REG4: variants seen among roughly 807,000 people sequenced by gnomAD.
REG4 encodes regenerating family member 4.
A neutral mutation model predicts 22.3 loss-of-function variants in REG4; 16 were observed. That is an observed-to-expected ratio of 0.72 (90% CI 0.49 to 1.09). The LOEUF is 1.09. Ranked by LOEUF, REG4 falls within the 50% of genes least tolerant of loss-of-function variation. The pLI, the probability that REG4 is intolerant of heterozygous loss-of-function variation, is 0.00. For synonymous variants in REG4, 71 were observed against 69.2 expected, an observed-to-expected ratio of 1.03 and a Z score of -0.13; for missense variants, 214 against 193.9, an observed-to-expected ratio of 1.10 and a Z score of -0.61.
At chr1:119,810,031 T>C (rs1183562679) in intron 1 of REG4, among the ~76,000 whole-genome samples, 2 of 152,200 alleles carry the variant, frequency 1.3e-5, no homozygotes, top group African/African-American at 2.4e-5. Context: ...TGTATGTTTA[T>C]TTGTGAGATC....
intron 5 of REG4, among the ~76,000 whole-genome samples, chr1:119,797,099 C>T (rs1393862161): frequency 4.3e-4 from 66 of 152,204 alleles, no homozygotes; most frequent in Admixed American, 4.3e-3. Flanking sequence ...ACTGCAATAA[C>T]AACTACAATG....
intron 1 of REG4, among the ~76,000 whole-genome samples, chr1:119,809,598 T>C (rs1007019903): frequency 1.3e-5 from 2 of 152,228 alleles, no homozygotes; most frequent in Non-Finnish European, 2.9e-5. Context: ...GATCATATAG[T>C]CCTATAGCCT....
chr1:119,808,191 G>C (rs1172889435), intron 2 of REG4, among the ~76,000 whole-genome samples: 1 of 152,126 alleles, frequency 6.6e-6, no homozygotes, highest in Non-Finnish European at 1.5e-5. Flanking sequence ...TTCCTCCCCT[G>C]CTTTCTCTAT....
intron 5 of REG4, among the ~76,000 whole-genome samples, chr1:119,795,762 C>A (rs978270706): frequency 2.0e-5 from 3 of 152,208 alleles, no homozygotes; most frequent in Admixed American, 6.5e-5. Flanking sequence ...CCATAGTGCT[C>A]AGCGCAGGAG....
intron 5 of REG4, among the ~76,000 whole-genome samples, chr1:119,797,955 G>T (rs1653980424): frequency 6.6e-6 from 1 of 152,006 alleles, no homozygotes; most frequent in Admixed American, 6.6e-5. Context: ...ATGAAAGCAG[G>T]CCAGAGAAAG....
At chr1:119,795,794 G>A (rs933325736) in intron 5 of REG4, among the ~76,000 whole-genome samples, 1 of 152,242 alleles carries the variant, frequency 6.6e-6, no homozygotes, top group Non-Finnish European at 1.5e-5. Context: ...AAATGAAACA[G>A]GGCCTGCAAG....
At chr1:119,802,969 C>A (rs1208037518) in intron 3 of REG4, 99 bp downstream of exon 3, 2 of 1,578,564 alleles carry the variant, frequency 1.3e-6, no homozygotes, top group South Asian at 2.3e-5. Context: ...CTTCATAGTG[C>A]CCAGGAAGGA....
intron 4 of REG4, among the ~76,000 whole-genome samples, chr1:119,799,512 A>G (rs1390547787): frequency 6.6e-6 from 1 of 152,038 alleles, no homozygotes; most frequent in Non-Finnish European, 1.5e-5. Context: ...TAATTAGACA[A>G]AGGTCTATAC....
intron 5 of REG4, among the ~76,000 whole-genome samples, chr1:119,797,084 C>A (rs1050099120): frequency 6.6e-6 from 1 of 152,178 alleles, no homozygotes; most frequent in East Asian, 1.9e-4. Context: ...ACACTTAATG[C>A]GTCAACTGCA....
chr1:119,808,859 C>A lies in REG4; in HGVS notation c.-90G>T. On this transcript the variant is annotated 5_prime_UTR_variant, in exon 2 of 6. Transcript: ENST00000256585. ...AAACTCCTGGGTTCTCCTTGATCTG[C>A]AAATCTGAACACATTTGCACAGGTG... The A allele has an allele frequency of 3.5e-6, 3 of 855,338 alleles. No individual in the cohort carries two copies. Among genetic ancestry groups the A allele is most frequent in the South Asian group, 1.5e-5 (1 of 65,314 alleles). 53.0% of individuals were successfully genotyped at this position (855,338 alleles called of 1,614,324 possible). A position where few individuals can be genotyped will look rare whatever the true frequency, so the allele number is the denominator to read the frequency against.
At chr1:119,794,807 C>T (rs1355315465) in intron 5 of REG4, 122 bp from the exon 6 acceptor site, 17 of 822,710 alleles carry the variant, frequency 2.1e-5, no homozygotes, top group Admixed American at 3.6e-5. Context: ...TATGTGTCAA[C>T]TTAGCTAGAC....
Position 119,808,830 on chromosome 1 carries a change from T to TGGG in REG4, c.-62_-61insCCC. The TGGG allele has an allele frequency of 2.4e-6, 3 of 1,253,930 alleles. No individual in the cohort carries two copies. The highest frequency in any genetic ancestry group is 3.5e-6 in the Non-Finnish European group (3 of 862,250). 77.7% of individuals were successfully genotyped at this position (1,253,930 alleles called of 1,614,324 possible). ...ATCTCAGAGACCTTACTAGCGCTTC[T>TGGG]TTGAAACTCCTGGGTTCTCCTTGAT... On this transcript the variant is annotated 5_prime_UTR_variant, in exon 2 of 6. Transcript: ENST00000256585.
intron 5 of REG4, among the ~76,000 whole-genome samples, chr1:119,798,159 G>T (rs773751495): frequency 9.2e-5 from 14 of 152,162 alleles, no homozygotes; most frequent in Non-Finnish European, 1.5e-4. Flanking sequence ...ACTCCCTGTG[G>T]TCTGGGCTTC....
At chr1:119,807,068 G>A (rs1361633930) in intron 2 of REG4, among the ~76,000 whole-genome samples, 1 of 152,188 alleles carries the variant, frequency 6.6e-6, no homozygotes, top group African/African-American at 2.4e-5. Context: ...GCCAGATGAA[G>A]TTTTTTAGTG....
Position 119,798,463 on chromosome 1 carries a change from G to A in REG4, c.409+34C>T, listed in dbSNP as rs1653996486. On this transcript the variant is annotated intron_variant, in intron 5 of 5. Transcript: ENST00000256585. The stretch of plus-strand genomic sequence containing the variant: ...AGGTAAAGGGAAGAGTCTGCGCATT[G>A]GGAAGTGGTGAGGGGTGGTGCATTA... 4 of 1,532,670 alleles carry A rather than the reference G, an allele frequency of 2.6e-6. No homozygotes were observed. In the East Asian group the frequency reaches 9.0e-5, roughly 34 times the overall value. The allele number at this position is 1,532,670 out of a possible 1,614,324, so 94.9% of individuals were successfully genotyped here.
rs955534756 is a variant in REG4, at chr1:119,805,534, G to C, written c.68-2369C>G. On this transcript the variant is annotated intron_variant, in intron 2 of 5. Transcript: ENST00000256585. ...AAGCCATGAAAGCAGAGGGCCGAGG[G>C]ACACACGCAGAGGACTTGGAAGACC... Among the ~76,000 whole-genome samples, 9 of 152,096 alleles carry C rather than the reference G, an allele frequency of 5.9e-5. No individual in the cohort carries two copies. In the South Asian group the frequency reaches 1.9e-3, roughly 32 times the overall value.
chr1:119,806,724 G>A (rs587648141), intron 2 of REG4, among the ~76,000 whole-genome samples: 3 of 152,110 alleles, frequency 2.0e-5, no homozygotes, highest in Non-Finnish European at 4.4e-5. Flanking sequence ...TGGTGCTAGA[G>A]CTCGTCATCT....
Position 119,794,458 on chromosome 1 carries a change from A to G in REG4, c.*160T>C, listed in dbSNP as rs1196191506. 2 of 707,784 alleles carry G rather than the reference A, an allele frequency of 2.8e-6. No individual in the cohort carries two copies. The allele number at this position is 707,784 out of a possible 1,614,324, so 43.8% of individuals were successfully genotyped here. A position where few individuals can be genotyped will look rare whatever the true frequency, so the allele number is the denominator to read the frequency against. ...TAGAAGCCACTACTGGGCCAATGCT[A>G]AAGTTTCTGTCTCTAAGCCTAAAAA... On this transcript the variant is annotated 3_prime_UTR_variant, in exon 6 of 6. Coordinates refer to ENST00000256585, the MANE Select transcript of REG4 (RefSeq NM_032044.4).
At chr1:119,803,963 G>A (rs1175085985) in intron 2 of REG4, among the ~76,000 whole-genome samples, 1 of 152,228 alleles carries the variant, frequency 6.6e-6, no homozygotes, top group South Asian at 2.1e-4. Context: ...CCAGGGCCTA[G>A]AAGCAAAGGA....
Sources: gnomAD v4.1 joint callset for allele counts (sites outside exome capture counted in the v4.1 genomes callset) on GRCh38, gnomAD v4.1.1 for gene constraint, MANE v1.5 for transcripts, NCBI Gene and HGNC (gene_info 2026-07-23, HGNC 2026-07-21) for gene names.